The following PAX8 variants were observed in gnomAD, a reference collection of about 807,000 sequenced individuals.
PAX8 encodes paired box protein Pax-8.
PAX8 carries 15 observed loss-of-function variants against 52.4 expected under a neutral mutation model. The observed-to-expected ratio is 0.29, with a 90% CI of 0.19 to 0.44. PAX8 has a LOEUF of 0.44. PAX8 is among the 20% of genes least tolerant of loss of function. The probability of loss-of-function intolerance (pLI) is 1.00; values close to 1 mark genes in which losing one functional copy is unlikely to be tolerated. For synonymous variants in PAX8, 284 were observed against 249.7 expected, an observed-to-expected ratio of 1.14 and a Z score of -1.29; for missense variants, 554 against 602.5, an observed-to-expected ratio of 0.92 and a Z score of 0.84.
intron 9 of PAX8, among the ~76,000 whole-genome samples, chr2:113,233,677 C>CA (rs72013345): frequency 0.1 from 7,069 of 68,982 alleles, 302 homozygotes; most frequent in South Asian, 0.27. Flanking sequence ...GATTCCATCT[C>CA]AAAAAACAAA....
At chr2:113,237,742 A>G (rs984556703) in intron 7 of PAX8, 1 of 152,208 alleles carries the variant, frequency 6.6e-6, no homozygotes, top group Non-Finnish European at 1.5e-5. Flanking sequence ...AGCGCAGAAA[A>G]AAGAACACAC....
At chr2:113,236,550 G>T (rs1418759549) in intron 8 of PAX8, 51 bp downstream of exon 8, 10 of 1,535,310 alleles carry the variant, frequency 6.5e-6, no homozygotes, top group Non-Finnish European at 8.8e-6. Context: ...AGCCAGCCAA[G>T]CTCTTCAGTC....
At chr2:113,238,466 A>G (rs993347480) in intron 7 of PAX8, 2 of 152,656 alleles carry the variant, frequency 1.3e-5, no homozygotes, top group Admixed American at 1.3e-4. Context: ...TGACAGCAAA[A>G]TATCTACTCA....
At chr2:113,239,070 C>CT (rs35990380) in intron 7 of PAX8, 38,530 of 137,114 alleles carry the variant, frequency 0.28, 5,293 homozygotes, top group African/African-American at 0.32. Flanking sequence ...TCCCCCTGCC[C>CT]TTTTTTTTTT....
intron 10 of PAX8, chr2:113,225,730 G>A (rs964086823): frequency 1.1e-5 from 2 of 188,580 alleles, no homozygotes; most frequent in Non-Finnish European, 2.0e-5. Flanking sequence ...CTCAGGGAAT[G>A]ATTCATAATT....
At chr2:113,234,810 G>A (rs185794374) in intron 9 of PAX8, among the ~76,000 whole-genome samples, 170 of 152,274 alleles carry the variant, frequency 1.1e-3, no homozygotes, top group Non-Finnish European at 1.8e-3. Flanking sequence ...GAGCCACCTC[G>A]CCCGGTCGGT....
chr2:113,219,530 C>G (rs983584842), intron 11 of PAX8, among the ~76,000 whole-genome samples: 1 of 152,172 alleles, frequency 6.6e-6, no homozygotes, highest in African/African-American at 2.4e-5. Context: ...GGACCTCGAC[C>G]CTGAATACTG....
Position 113,226,663 on chromosome 2 carries a change from G to A in PAX8, c.1189+492C>T, listed in dbSNP as rs543634654. 263 of 1,083,656 alleles carry A rather than the reference G, an allele frequency of 2.4e-4. 2 individuals are homozygous for A. In the East Asian group the frequency reaches 0.013, roughly 53 times the overall value. The allele number at this position is 1,083,656 out of a possible 1,614,324, so 67.1% of individuals were successfully genotyped here. A position where few individuals can be genotyped will look rare whatever the true frequency, so the allele number is the denominator to read the frequency against. ...AAGCATATATTTCATCATCATCATC[G>A]TCATCGTCATCATCATCATCATCAT... is the stretch of plus-strand genomic sequence containing the variant. On this transcript the variant is annotated intron_variant, in intron 10 of 11. Transcript: ENST00000429538.
intron 2 of PAX8, chr2:113,265,664 T>C (rs1269701826): frequency 1.3e-5 from 2 of 152,184 alleles, no homozygotes; most frequent in African/African-American, 4.8e-5. Flanking sequence ...CTCTCTGTGA[T>C]TATGGTGAAA....
chr2:113,244,859 TTCTC>T (rs1332103730), intron 3 of PAX8, among the ~76,000 whole-genome samples: 9 of 152,040 alleles, frequency 5.9e-5, no homozygotes, highest in African/African-American at 2.2e-4. Context: ...TCACCTTGGC[TTCTC>T]TCTCTTCCTT....
chr2:113,239,503 T>TA (rs1690641218), intron 7 of PAX8: 1 of 152,290 alleles, frequency 6.6e-6, no homozygotes, highest in Admixed American at 6.5e-5. Context: ...CACGGAGTGT[T>TA]ACTTTGGCAG....
intron 2 of PAX8, among the ~76,000 whole-genome samples, chr2:113,264,774 A>C (rs1165780932): frequency 6.6e-6 from 1 of 152,192 alleles, no homozygotes; most frequent in Middle Eastern, 3.2e-3. Context: ...GTGTCTAAAA[A>C]GGTCTTGGGA....
chr2:113,255,074 A>AGAAG (rs894782159), intron 2 of PAX8, among the ~76,000 whole-genome samples: 2 of 148,842 alleles, frequency 1.3e-5, no homozygotes, highest in African/African-American at 4.9e-5. Context: ...AAGGACAGAA[A>AGAAG]GAAGGAAGGA....
chr2:113,266,537 G>T (rs536899934), intron 2 of PAX8: 1 of 152,148 alleles, frequency 6.6e-6, no homozygotes, highest in Non-Finnish European at 1.5e-5. Flanking sequence ...GAGGCATGTC[G>T]ATCTCATCAT....
At chr2:113,251,925 CTT>C (rs1691801362) in intron 2 of PAX8, among the ~76,000 whole-genome samples, 1 of 152,168 alleles carries the variant, frequency 6.6e-6, no homozygotes. Flanking sequence ...GGGGCCCTGT[CTT>C]TGTCTACTGT....
At chr2:113,271,652 C>T (rs1409964140) in intron 2 of PAX8, 1 of 149,648 alleles carries the variant, frequency 6.7e-6, no homozygotes, top group African/African-American at 2.5e-5. Context: ...GCACTTGGGC[C>T]TTCTTATCAA....
chr2:113,233,019 A>AC (rs1341874130), intron 9 of PAX8, among the ~76,000 whole-genome samples: 4 of 98,326 alleles, frequency 4.1e-5, no homozygotes, highest in Non-Finnish European at 8.5e-5. Context: ...TCTTCTCCTC[A>AC]CCCCCTCCCC....
At chr2:113,225,917 C>G in intron 10 of PAX8, 1 of 983,444 alleles carries the variant, frequency 1.0e-6, no homozygotes, top group Non-Finnish European at 1.2e-6. Context: ...TTTATCTTGA[C>G]CAATCTCATT....
chr2:113,231,214 A>C (rs571580714), intron 9 of PAX8, among the ~76,000 whole-genome samples: 1 of 152,244 alleles, frequency 6.6e-6, no homozygotes, highest in East Asian at 1.9e-4. Context: ...AATTTTGTAC[A>C]AAAGGATGGA....
Sources: allele counts gnomAD v4.1 joint callset (sites outside exome capture counted in the v4.1 genomes callset), GRCh38; gene constraint gnomAD v4.1.1; transcripts MANE v1.5; gene names NCBI Gene and HGNC (gene_info 2026-07-23, HGNC 2026-07-21).